WDR89: variants seen among roughly 807,000 people sequenced by gnomAD.
WDR89 encodes WD repeat-containing protein 89.
A neutral mutation model predicts 29.1 loss-of-function variants in WDR89; 17 were observed. That is an observed-to-expected ratio of 0.58 (90% confidence interval 0.40 to 0.88). WDR89 has a LOEUF of 0.88. Ranked by LOEUF, WDR89 falls within the 40% of genes least tolerant of loss-of-function variation. WDR89 has a pLI of 0.00. For missense variants in WDR89, 396 were observed against 456.3 expected (o/e 0.87, Z 1.20); for synonymous variants, 138 against 157.8 (o/e 0.87, Z 0.94).
Position 63,600,717 on chromosome 14 carries a change from CAAAAAAAAAAAAAAAAAA to C in WDR89, c.-31-762_-31-745del, listed in dbSNP as rs56059698. ...TAGAATTTAAACATAGATATGTAGG[CAAAAAAAAAAAAAAAAAA>C]AAAAAAAAAAAAAAAAAAAGGTTTC... is the stretch of plus-strand genomic sequence containing the variant. On this transcript the variant is annotated intron_variant, in intron 2 of 2. Coordinates refer to ENST00000620954, the MANE Select transcript of WDR89 (RefSeq NM_080666.4). Among the ~76,000 whole-genome samples the C allele has an allele frequency of 6.6e-4, 24 of 36,208 alleles. No homozygotes were observed. The East Asian group carries it at 8.3e-3, about 13-fold the overall frequency. 23.8% of individuals were successfully genotyped at this position (36,208 alleles called of 152,430 possible).
intron 2 of WDR89, chr14:63,601,730 A>C (rs1186934438): frequency 2.4e-5 from 35 of 1,466,280 alleles, no homozygotes; most frequent in Non-Finnish European, 3.2e-5. Flanking sequence ...TTCTCCCATA[A>C]CATGGAGGCA....
chr14:63,610,158 T>C (rs1025978305), intron 2 of WDR89, among the ~76,000 whole-genome samples: 1 of 143,274 alleles, frequency 7.0e-6, no homozygotes, highest in African/African-American at 2.7e-5. Flanking sequence ...AGGTGAAGGC[T>C]GCAGTGAGCC....
At chr14:63,616,921 C>T (rs1882344597) in intron 2 of WDR89, among the ~76,000 whole-genome samples, 1 of 150,310 alleles carries the variant, frequency 6.7e-6, no homozygotes, top group African/African-American at 2.5e-5. Flanking sequence ...ATGTAGGTCA[C>T]AAATATGAAA....
At chr14:63,601,657 C>T (rs1293102103) in intron 2 of WDR89, 26 of 1,613,004 alleles carry the variant, frequency 1.6e-5, no homozygotes, top group Non-Finnish European at 2.0e-5. Flanking sequence ...GCTGTTGGAT[C>T]GGGTTCTAAA....
chr14:63,621,577 G>T (rs1051942810), intron 2 of WDR89, among the ~76,000 whole-genome samples: 1 of 151,954 alleles, frequency 6.6e-6, no homozygotes, highest in African/African-American at 2.4e-5. Flanking sequence ...CAGCCTGAGT[G>T]GCAGAGCAAG....
intron 2 of WDR89, among the ~76,000 whole-genome samples, chr14:63,604,012 CT>C (rs1016148679): frequency 2.0e-5 from 3 of 152,202 alleles, no homozygotes; most frequent in Non-Finnish European, 2.9e-5. Context: ...TGACTCCTTC[CT>C]GTTATTCAGG....
At chr14:63,611,677 T>C (rs1364594778) in intron 2 of WDR89, among the ~76,000 whole-genome samples, 1 of 151,910 alleles carries the variant, frequency 6.6e-6, no homozygotes, top group African/African-American at 2.4e-5. Flanking sequence ...TTGCAACTTT[T>C]CTGTAAACCT....
rs765520127 is a variant in WDR89 at position 63,600,501 on chromosome 14, GA to G, written c.-31-529del. Among the ~76,000 whole-genome samples the G allele has an allele frequency of 4.8e-3, 688 of 144,840 alleles. 2 individuals are homozygous for G. The highest frequency in any genetic ancestry group is 0.017 in the African/African-American group (662 of 39,712). On this transcript the variant is annotated intron_variant, in intron 2 of 2. Transcript: ENST00000620954. The stretch of plus-strand genomic sequence containing the variant: ...TAAAGTGAGATCCTGCCTCAAAAAA[GA>G]AAAAAAAAATGCTGAATTTACTATA...
intron 1 of WDR89, among the ~76,000 whole-genome samples, chr14:63,628,818 C>A (rs906911898): frequency 1.3e-5 from 2 of 151,932 alleles, no homozygotes; most frequent in Non-Finnish European, 2.9e-5. Context: ...AAAAATTAGC[C>A]AGGCATGGTG....
intron 2 of WDR89, among the ~76,000 whole-genome samples, chr14:63,624,243 G>T (rs1257054887): frequency 2.0e-5 from 3 of 152,016 alleles, no homozygotes; most frequent in African/African-American, 7.2e-5. Flanking sequence ...CTGGGAGGTG[G>T]ATGGCTTGAG....
At chr14:63,615,127 T>C (rs945705981) in intron 2 of WDR89, among the ~76,000 whole-genome samples, 1 of 152,216 alleles carries the variant, frequency 6.6e-6, no homozygotes, top group African/African-American at 2.4e-5. Context: ...ATTCAAAGCA[T>C]CTTTTTAAAA....
At chr14:63,600,866 G>A (rs1164809564) in intron 2 of WDR89, among the ~76,000 whole-genome samples, 1 of 151,602 alleles carries the variant, frequency 6.6e-6, no homozygotes, top group Non-Finnish European at 1.5e-5. Flanking sequence ...CCTAATATAA[G>A]GCTAACCTTA....
chr14:63,618,618 A>G (rs1326968740), intron 2 of WDR89, among the ~76,000 whole-genome samples: 1 of 152,206 alleles, frequency 6.6e-6, no homozygotes, highest in Admixed American at 6.5e-5. Context: ...ATGAAATCAG[A>G]GGATTGATCA....
Position 63,597,837 on chromosome 14 carries a change from T to G in WDR89, c.*942A>C, listed in dbSNP as rs1467661481. ...TTCCCCGCCCCTACCAGATCTGTTTTTGATGTTTAGCCTAGAAGTAGCAAG... is the reference window on the plus strand; with the variant it reads ...TTCCCCGCCCCTACCAGATCTGTTTGTGATGTTTAGCCTAGAAGTAGCAAG... On this transcript the variant is annotated 3_prime_UTR_variant, in exon 3 of 3. Transcript: ENST00000620954. The G allele has an allele frequency of 6.6e-6, 1 of 152,208 alleles. No homozygotes were observed. Among genetic ancestry groups the G allele is most frequent in the Non-Finnish European group, 1.5e-5 (1 of 68,056 alleles). 9.4% of individuals were successfully genotyped at this position (152,208 alleles called of 1,614,324 possible).
At chr14:63,623,197 C>CAAA (rs35075730) in intron 2 of WDR89, among the ~76,000 whole-genome samples, 2,179 of 71,612 alleles carry the variant, frequency 0.03, 61 homozygotes, top group African/African-American at 0.088. Context: ...AACCAGGTCT[C>CAAA]AAAAAAAAAA....
intron 1 of WDR89, among the ~76,000 whole-genome samples, chr14:63,626,676 CAAAAAAAAAAAAAAAAAAAA>C (rs35582220): frequency 2.0e-4 from 7 of 34,550 alleles, no homozygotes; most frequent in African/African-American, 3.1e-4. Flanking sequence ...GAGACTGTCT[CAAAAAAAAAAAAAAAAAAAA>C]AAAAAAAAAA....
chr14:63,600,005 T>G (rs1595013543), intron 2 of WDR89, 32 bp from the exon 3 acceptor site: 1 of 1,248,186 alleles, frequency 8.0e-7, no homozygotes, highest in African/African-American at 1.5e-5. Context: ...AAAATAAAAA[T>G]TAATGCTTAA....
At chr14:63,620,004 CAAAAAAAAAAAAAA>C (rs71120271) in intron 2 of WDR89, among the ~76,000 whole-genome samples, 2 of 72,468 alleles carry the variant, frequency 2.8e-5, no homozygotes, top group South Asian at 9.4e-4. Context: ...GACTCCATCT[CAAAAAAAAAAAAAA>C]AAAAAAGAAA....
intron 2 of WDR89, among the ~76,000 whole-genome samples, chr14:63,617,350 G>T (rs1249421830): frequency 6.6e-6 from 1 of 151,904 alleles, no homozygotes; most frequent in Non-Finnish European, 1.5e-5. Context: ...CAAAGTGCTG[G>T]GATTATGGGA....
Sources: allele counts gnomAD v4.1 joint callset (sites outside exome capture counted in the v4.1 genomes callset), GRCh38; gene constraint gnomAD v4.1.1; transcripts MANE v1.5; gene names NCBI Gene and HGNC (gene_info 2026-07-23, HGNC 2026-07-21).